The following TBC1D10A variants were observed in gnomAD, a reference collection of about 807,000 sequenced individuals.
The protein encoded by TBC1D10A is TBC1 domain family member 10A.
A neutral mutation model predicts 52.9 loss-of-function variants in TBC1D10A; 24 were observed. The ratio of observed to expected loss-of-function variants is 0.45; its 90% CI spans 0.33 to 0.64. TBC1D10A has a LOEUF of 0.64. TBC1D10A is among the 30% of genes least tolerant of loss of function. TBC1D10A has a pLI of 0.02. For missense variants in TBC1D10A, 602 were observed against 687.9 expected (o/e 0.88, Z 1.40); for synonymous variants, 278 against 282.9 (o/e 0.98, Z 0.17).
At chr22:30,311,566 G>T (rs954904741) in intron 1 of TBC1D10A, among the ~76,000 whole-genome samples, 1 of 152,162 alleles carries the variant, frequency 6.6e-6, no homozygotes, top group African/African-American at 2.4e-5. Context: ...CTGGGTCAGT[G>T]CACAATGGTA....
intron 1 of TBC1D10A, among the ~76,000 whole-genome samples, chr22:30,308,324 A>ATGCCTGCATGCCTGCATGCCTGCC (rs1930358727): frequency 6.8e-6 from 1 of 147,764 alleles, no homozygotes; most frequent in Non-Finnish European, 1.5e-5. Flanking sequence ...GCATGCCTGC[A>ATGCCTGCATGCCTGCATGCCTGCC]TGCCTGCATG....
chr22:30,323,615 C>T (rs1930703951), intron 1 of TBC1D10A, among the ~76,000 whole-genome samples: 1 of 152,184 alleles, frequency 6.6e-6, no homozygotes, highest in South Asian at 2.1e-4. Flanking sequence ...TTACTCTTCT[C>T]TCTGGGCCTC....
chr22:30,323,288 G>A (rs149396082), intron 1 of TBC1D10A, among the ~76,000 whole-genome samples: 38 of 152,314 alleles, frequency 2.5e-4, no homozygotes, highest in African/African-American at 7.7e-4. Flanking sequence ...AAAGGTGAAT[G>A]AGCCTCTTCC....
chr22:30,293,351 A>G (rs1171438656), intron 8 of TBC1D10A: 1 of 653,504 alleles, frequency 1.5e-6, no homozygotes, highest in Non-Finnish European at 2.9e-6. Flanking sequence ...AGAAAGAACA[A>G]AGAGAAATAA....
chr22:30,310,884 A>G (rs1208407342), intron 1 of TBC1D10A, among the ~76,000 whole-genome samples: 2 of 152,088 alleles, frequency 1.3e-5, no homozygotes, highest in Non-Finnish European at 2.9e-5. Context: ...CCCTCTTCTT[A>G]TCACCCTCTG....
intron 1 of TBC1D10A, among the ~76,000 whole-genome samples, chr22:30,305,206 C>T (rs1162140713): frequency 6.6e-6 from 1 of 152,210 alleles, no homozygotes; most frequent in East Asian, 1.9e-4. Flanking sequence ...TTCAAAGCCC[C>T]ATCAAATACC....
intron 1 of TBC1D10A, among the ~76,000 whole-genome samples, 195 bp downstream of exon 1, chr22:30,326,478 T>G (rs1930776653): frequency 1.9e-5 from 2 of 103,932 alleles, no homozygotes; most frequent in Admixed American, 2.5e-4. Flanking sequence ...GTCCGCCCCC[T>G]GGGTCGGAAG....
intron 1 of TBC1D10A, among the ~76,000 whole-genome samples, chr22:30,324,755 A>C (rs1412136891): frequency 6.6e-6 from 1 of 152,182 alleles, no homozygotes; most frequent in Non-Finnish European, 1.5e-5. Flanking sequence ...CCCCCAGAGT[A>C]ATGTTGGGAA....
chr22:30,303,579 G>A (rs1930251322), intron 2 of TBC1D10A, among the ~76,000 whole-genome samples: 1 of 152,246 alleles, frequency 6.6e-6, no homozygotes, highest in Non-Finnish European at 1.5e-5. Flanking sequence ...GGAAAGGAGT[G>A]GGGCTGGGCC....
rs1306558133 is a variant in TBC1D10A at position 30,292,931 on chromosome 22, C to T, written c.1051-80G>A. ...CTGCCTCCCAGCCTGGGCCCCCAGT[C>T]TTCCTCAGCATCCCCCAGCCTTGGC... On this transcript the variant is annotated intron_variant, in intron 8 of 8. Coordinates refer to ENST00000215790, the MANE Select transcript of TBC1D10A (RefSeq NM_031937.3). The T allele has an allele frequency of 2.0e-6, 3 of 1,501,912 alleles. No individual in the cohort carries two copies. In the African/African-American group the frequency reaches 4.1e-5, roughly 21 times the overall value. The allele number at this position is 1,501,912 out of a possible 1,614,324, so 93.0% of individuals were successfully genotyped here.
In TBC1D10A at chr22:30,297,031, C is replaced by G. The variant is rs115581574; in HGVS notation, c.418-1188G>C. 6.6e-6 allele frequency: 1 copy of G among 152,294 alleles called. No individual in the cohort carries two copies. The highest frequency in any genetic ancestry group is 2.4e-5 in the African/African-American group (1 of 41,472). The allele number at this position is 152,294 out of a possible 1,614,324, so 9.4% of individuals were successfully genotyped here. On this transcript the variant is annotated intron_variant, in intron 3 of 8. Coordinates refer to ENST00000215790, the MANE Select transcript of TBC1D10A (RefSeq NM_031937.3). This position sits in a 1 kb window ranked among gnomAD's most constrained non-coding sequence, Gnocchi z 4.3. The stretch of plus-strand genomic sequence containing the variant: ...CAAACATACCCAGTGGGCGCAGACA[C>G]AGGCCCTGCCCTGACGAGCAGGTGA...
chr22:30,292,758 G>T lies in TBC1D10A; in HGVS notation c.1144C>A (p.Arg382Ser). 1 of 1,612,000 alleles carries T rather than the reference G, an allele frequency of 6.2e-7. No individual in the cohort carries two copies. The highest frequency in any genetic ancestry group is 8.5e-7 in the Non-Finnish European group (1 of 1,179,736). ...GCACCATGCAGCCTGGGCGGGGAGC[G>T]GCACTGCAGCTCACCCCGGGTCTCC... ...WQETRGELQC[R>S]SPPRLHGAKA... Residue 382 changes from arginine to serine, a missense_variant, in exon 9 of 9, where the codon CGC becomes AGC. This residue lies in a region of TBC1D10A where 265 missense variants were observed against 275.1 expected (regional missense o/e 0.96). Coordinates refer to ENST00000215790, the MANE Select transcript of TBC1D10A (RefSeq NM_031937.3).
intron 6 of TBC1D10A, among the ~76,000 whole-genome samples, chr22:30,294,479 C>G (rs951997664): frequency 1.3e-5 from 2 of 152,140 alleles, no homozygotes; most frequent in Admixed American, 1.3e-4. Context: ...TAGGGGACAG[C>G]ACGGGGAAGG....
intron 1 of TBC1D10A, among the ~76,000 whole-genome samples, chr22:30,310,113 G>T (rs934833249): frequency 6.6e-6 from 1 of 152,164 alleles, no homozygotes; most frequent in East Asian, 1.9e-4. Context: ...ATAGAGTGGG[G>T]ACTTGAAGTT....
At chr22:30,304,671 A>G (rs1489923130) in intron 1 of TBC1D10A, 41 bp from the exon 2 acceptor site, 2 of 1,604,566 alleles carry the variant, frequency 1.2e-6, no homozygotes, top group Non-Finnish European at 1.7e-6. Context: ...GTGCCAAGGG[A>G]AGCAAAGGCC....
intron 1 of TBC1D10A, among the ~76,000 whole-genome samples, chr22:30,324,409 G>C (rs1038375755): frequency 6.6e-6 from 1 of 152,182 alleles, no homozygotes; most frequent in African/African-American, 2.4e-5. Flanking sequence ...ACAGGCTCCA[G>C]AAAGTGAGGG....
chr22:30,321,623 T>C (rs570406377), intron 1 of TBC1D10A, among the ~76,000 whole-genome samples: 6 of 152,302 alleles, frequency 3.9e-5, no homozygotes, highest in East Asian at 1.9e-4. Flanking sequence ...CTTGCTCCCA[T>C]AACAGGAAGC....
rs1241161724 is a variant in TBC1D10A, at chr22:30,299,511, C to T, written c.350G>A (p.Arg117Gln). The change falls in exon 3 of 9, where the codon CGG becomes CAG. Residue 117 changes from arginine (R) to glutamine (Q), a missense_variant. By Grantham distance (43) the Arg-to-Gln change is conservative. Coordinates refer to ENST00000215790, the MANE Select transcript of TBC1D10A (RefSeq NM_031937.3). ...RCQKGIPPSL[R>Q]GRAWQYLSGG... ...TGACAGGTACTGCCAAGCACGGCCC[C>T]GCAGAGAAGGCGGGATGCCCTTTTG... 8 of 1,614,060 alleles carry T rather than the reference C, an allele frequency of 5.0e-6. No homozygotes were observed. The highest frequency in any genetic ancestry group is 3.3e-5 in the South Asian group (3 of 91,088).
At chr22:30,308,314 G>GCATGCCTC (rs1930356673) in intron 1 of TBC1D10A, among the ~76,000 whole-genome samples, 1 of 140,298 alleles carries the variant, frequency 7.1e-6, no homozygotes, top group African/African-American at 2.7e-5. Flanking sequence ...CTGCCTGCCT[G>GCATGCCTC]CATGCCTGCA....
Sources: allele counts gnomAD v4.1 joint callset (sites outside exome capture counted in the v4.1 genomes callset), GRCh38; gene constraint gnomAD v4.1.1; regional missense constraint gnomAD v4.1.1; non-coding constraint Gnocchi (gnomAD v3.1); transcripts MANE v1.5; gene names NCBI Gene and HGNC (gene_info 2026-07-23, HGNC 2026-07-21).